Variants in SORT1 observed in about 807,000 individuals in gnomAD.
SORT1 encodes sortilin.
Under a neutral mutation model 101.7 loss-of-function variants are expected in SORT1, and 39 were observed. The ratio of observed to expected loss-of-function variants is 0.38; its 90% confidence interval spans 0.30 to 0.50. The LOEUF (loss-of-function observed/expected upper bound fraction) is 0.50, where lower values mean the gene tolerates loss of function less well. Ranked by LOEUF, SORT1 falls within the 20% of genes least tolerant of loss-of-function variation. The pLI is 0.90. For synonymous variants in SORT1, 396 were observed against 393.7 expected, an observed-to-expected ratio of 1.01 and a Z score of -0.07; for missense variants, 878 against 1,040.4, an observed-to-expected ratio of 0.84 and a Z score of 2.15.
rs573549536 is a variant in SORT1 at position 109,380,300 on chromosome 1, G to T, written c.307-10711C>A. Among the ~76,000 whole-genome samples, 4 of 152,134 alleles carry T rather than the reference G, an allele frequency of 2.6e-5. No individual in the cohort carries two copies. In the East Asian group the frequency reaches 5.8e-4, roughly 22 times the overall value. On this transcript the variant is annotated intron_variant, in intron 1 of 19. Transcript: ENST00000256637. The stretch of plus-strand genomic sequence containing the variant: ...AGAGTGGGACCCTGTGTCAAAAAAT[G>T]ATACTAGAAGTATAAGCGAATATTT...
chr1:109,361,195 A>C (rs948340941), intron 3 of SORT1, among the ~76,000 whole-genome samples: 191 of 152,360 alleles, frequency 1.3e-3, no homozygotes, highest in African/African-American at 4.4e-3. Context: ...AGGAGGAACC[A>C]AGCTGCAACT....
chr1:109,355,101 G>C (rs2101604664), intron 4 of SORT1, among the ~76,000 whole-genome samples: 1 of 152,172 alleles, frequency 6.6e-6, no homozygotes, highest in African/African-American at 2.4e-5. Flanking sequence ...AGAGCCTGTA[G>C]TCCCAGCTAC....
rs1057485824 is a variant in SORT1, at chr1:109,349,525, G to A, written c.782+1404C>T. ...CCATACCTATAATCCCAGTACTCTG[G>A]GAGGCTGAGGAGGAAGGATTGCTTT... On this transcript the variant is annotated intron_variant, in intron 6 of 19. Coordinates refer to ENST00000256637, the MANE Select transcript of SORT1 (RefSeq NM_002959.7). Among the ~76,000 whole-genome samples, 4 of 152,064 alleles carry A rather than the reference G, an allele frequency of 2.6e-5. No homozygotes were observed. The East Asian group carries it at 7.7e-4, about 29-fold the overall frequency.
chr1:109,343,056 A>G (rs566267298), intron 8 of SORT1, among the ~76,000 whole-genome samples: 5 of 152,180 alleles, frequency 3.3e-5, no homozygotes, highest in Non-Finnish European at 7.3e-5. Context: ...ACAGCATTAT[A>G]CCATATATGC....
intron 3 of SORT1, among the ~76,000 whole-genome samples, chr1:109,361,585 C>CT (rs1242948164): frequency 6.6e-6 from 1 of 152,138 alleles, no homozygotes; most frequent in Non-Finnish European, 1.5e-5. Flanking sequence ...TACCCATTTT[C>CT]TTTTGTTCAT....
chr1:109,365,650 T>G (rs1302385779), intron 3 of SORT1, among the ~76,000 whole-genome samples: 2 of 152,206 alleles, frequency 1.3e-5, no homozygotes, highest in Admixed American at 6.5e-5. Context: ...AGCCAAGACA[T>G]TCATTCATTT....
In SORT1 at chr1:109,348,668, T is replaced by A. The variant is rs533278151; in HGVS notation, c.783-1136A>T. Among the ~76,000 whole-genome samples, 5 of 152,164 alleles carry A rather than the reference T, an allele frequency of 3.3e-5. 1 individual carries two copies. The South Asian group carries it at 1.0e-3, about 32-fold the overall frequency. Reference sequence around the variant, plus strand: ...CATGCTTGGCTTTTTTTTTCATTAATTTTTTGTAGAGATGGGGTCTCACTC... The same window carrying A: ...CATGCTTGGCTTTTTTTTTCATTAAATTTTTGTAGAGATGGGGTCTCACTC... On this transcript the variant is annotated intron_variant, in intron 6 of 19. Transcript: ENST00000256637.
Position 109,366,393 on chromosome 1 carries a change from T to G in SORT1, c.440+1015A>C, listed in dbSNP as rs151049778. Among the ~76,000 whole-genome samples, 564 of 152,264 alleles carry G rather than the reference T, an allele frequency of 3.7e-3. 6 individuals carry two copies. The highest frequency in any genetic ancestry group is 0.013 in the African/African-American group (535 of 41,554). On this transcript the variant is annotated intron_variant, in intron 3 of 19. Coordinates refer to ENST00000256637, the MANE Select transcript of SORT1 (RefSeq NM_002959.7). The stretch of plus-strand genomic sequence containing the variant: ...TTTGCTGGGAAAGTACAATGAAGAT[T>G]TTCATTTCAGGAATATAAAAAACCA...
At chr1:109,353,328 C>CAAAAAA (rs1228771965) in intron 5 of SORT1, among the ~76,000 whole-genome samples, 3 of 61,010 alleles carry the variant, frequency 4.9e-5, no homozygotes, top group African/African-American at 1.4e-4. Context: ...AACTCTGTCT[C>CAAAAAA]AAAAAAAAAA....
At chr1:109,330,783 T>A (rs950478019) in intron 11 of SORT1, among the ~76,000 whole-genome samples, 2 of 151,900 alleles carry the variant, frequency 1.3e-5, no homozygotes, top group Non-Finnish European at 2.9e-5. Context: ...GAGGAGACAT[T>A]ATAACTTATA....
intron 9 of SORT1, 108 bp downstream of exon 9, chr1:109,341,906 C>T: frequency 9.7e-7 from 1 of 1,026,178 alleles, no homozygotes; most frequent in Non-Finnish European, 1.5e-6. Flanking sequence ...ATCAGTAGGG[C>T]ACTAATAAAT....
At chr1:109,369,067 C>A (rs911955224) in intron 2 of SORT1, among the ~76,000 whole-genome samples, 22 of 77,472 alleles carry the variant, frequency 2.8e-4, no homozygotes, top group Non-Finnish European at 3.5e-4. Flanking sequence ...TGCCTGTAAT[C>A]CCAGCACTTT....
At position 109,322,964 on chromosome 1, in the gene SORT1, G is replaced by A; in HGVS notation, c.1992C>T (p.Ser664=). 1.2e-6 allele frequency: 2 copies of A among 1,613,958 alleles called. No individual in the cohort carries two copies. Among genetic ancestry groups the A allele is most frequent in the East Asian group, 2.2e-5 (1 of 44,888 alleles). ...AGTCCTCCAGGGAACAGAGGCAGAT[G>A]GAGGGCTGCTTGGTCACAACATAGT... The part of the protein sequence containing the change: ...GRDYVVTKQP[S]ICLCSLEDFL... The change falls in exon 15 of 20, where the codon TCC becomes TCT. Residue 664 remains serine (S), a synonymous_variant. Coordinates refer to ENST00000256637, the MANE Select transcript of SORT1 (RefSeq NM_002959.7).
At chr1:109,339,353 C>G (rs1447873361) in intron 10 of SORT1, among the ~76,000 whole-genome samples, 1 of 152,156 alleles carries the variant, frequency 6.6e-6, no homozygotes, top group Non-Finnish European at 1.5e-5. Flanking sequence ...TATTACTGAA[C>G]ATCTACTATG....
chr1:109,392,108 C>A (rs1169903323), intron 1 of SORT1, among the ~76,000 whole-genome samples: 2 of 152,150 alleles, frequency 1.3e-5, no homozygotes, highest in Admixed American at 6.6e-5. Context: ...AGCCTCATTT[C>A]TGCAGCCTCA....
At chr1:109,331,317 T>C (rs913084921) in intron 11 of SORT1, among the ~76,000 whole-genome samples, 2 of 152,108 alleles carry the variant, frequency 1.3e-5, no homozygotes, top group African/African-American at 2.4e-5. Context: ...GTTCAACATA[T>C]GCAAATCAAT....
At chr1:109,383,669 A>G (rs553559707) in intron 1 of SORT1, among the ~76,000 whole-genome samples, 1 of 152,316 alleles carries the variant, frequency 6.6e-6, no homozygotes, top group African/African-American at 2.4e-5. Flanking sequence ...CCTAGAACAC[A>G]ACCTGAGTGA....
intron 15 of SORT1, among the ~76,000 whole-genome samples, chr1:109,318,394 C>A (rs1647389400): frequency 6.6e-6 from 1 of 152,152 alleles, no homozygotes; most frequent in Admixed American, 6.5e-5. Flanking sequence ...TTGTGATACG[C>A]CCACCTCGGC....
chr1:109,362,483 T>A (rs188343031), intron 3 of SORT1, among the ~76,000 whole-genome samples: 33 of 152,336 alleles, frequency 2.2e-4, no homozygotes, highest in Admixed American at 1.9e-3. Context: ...TTTGAATTCA[T>A]AATAAACTTA....
Sources: gnomAD v4.1 joint callset for allele counts (sites outside exome capture counted in the v4.1 genomes callset) on GRCh38, gnomAD v4.1.1 for gene constraint, MANE v1.5 for transcripts, NCBI Gene and HGNC (gene_info 2026-07-23, HGNC 2026-07-21) for gene names.